Variants in MCU observed in about 807,000 individuals in gnomAD.
MCU encodes calcium uniporter protein, mitochondrial.
MCU carries 12 observed loss-of-function variants against 45.2 expected under a neutral mutation model. The ratio of observed to expected loss-of-function variants is 0.27; its 90% CI spans 0.17 to 0.43. The LOEUF (loss-of-function observed/expected upper bound fraction) is 0.43, where lower values mean the gene tolerates loss of function less well. Among genes scored for constraint, MCU ranks in the 20% least tolerant of loss-of-function variants. The probability of loss-of-function intolerance (pLI) is 1.00; values close to 1 mark genes in which losing one functional copy is unlikely to be tolerated. For synonymous variants in MCU, 160 were observed against 165.1 expected, an observed-to-expected ratio of 0.97 and a Z score of 0.24; for missense variants, 324 against 436.7, an observed-to-expected ratio of 0.74 and a Z score of 2.30.
chr10:72,754,711 G>T (rs1843549546), intron 1 of MCU, among the ~76,000 whole-genome samples: 1 of 152,178 alleles, frequency 6.6e-6, no homozygotes, highest in Non-Finnish European at 1.5e-5. Context: ...TCATCCACCT[G>T]TCTTAGCCTC....
intron 1 of MCU, among the ~76,000 whole-genome samples, chr10:72,810,461 C>CTTTT (rs751918414): frequency 4.8e-4 from 35 of 73,434 alleles, no homozygotes; most frequent in African/African-American, 1.4e-3. Flanking sequence ...ATTATGTTGC[C>CTTTT]TTTTTTTTTT....
At chr10:72,757,107 C>A (rs1296363406) in intron 1 of MCU, 1 of 151,844 alleles carries the variant, frequency 6.6e-6, no homozygotes, top group Non-Finnish European at 1.5e-5. Flanking sequence ...GGCACATTGT[C>A]AAGTGAGTGG....
chr10:72,819,382 C>T (rs898052261), intron 1 of MCU, among the ~76,000 whole-genome samples: 2 of 152,190 alleles, frequency 1.3e-5, no homozygotes, highest in African/African-American at 2.4e-5. Context: ...GTTGCTACTT[C>T]TGTTTCCCAC....
intron 1 of MCU, among the ~76,000 whole-genome samples, chr10:72,752,708 A>G (rs150548122): frequency 7.2e-5 from 11 of 152,290 alleles, no homozygotes; most frequent in Admixed American, 3.9e-4. Flanking sequence ...CTGGAGACCT[A>G]TTAAAATCCT....
At chr10:72,827,709 T>C (rs1306230881) in intron 1 of MCU, among the ~76,000 whole-genome samples, 2 of 152,228 alleles carry the variant, frequency 1.3e-5, no homozygotes, top group Non-Finnish European at 2.9e-5. Context: ...AGTGTTATCA[T>C]GTTTATATTG....
At chr10:72,853,364 A>G (rs1465737905) in intron 2 of MCU, among the ~76,000 whole-genome samples, 1 of 152,184 alleles carries the variant, frequency 6.6e-6, no homozygotes, top group African/African-American at 2.4e-5. Context: ...TGAAAACACC[A>G]TATAGATGGA....
intron 1 of MCU, among the ~76,000 whole-genome samples, chr10:72,693,243 T>A (rs983690155): frequency 6.6e-6 from 1 of 152,008 alleles, no homozygotes; most frequent in Non-Finnish European, 1.5e-5. Context: ...CTTTTTTCAA[T>A]TGCAAGAGAT....
chr10:72,769,080 C>T (rs976929230), intron 1 of MCU, among the ~76,000 whole-genome samples: 1 of 151,930 alleles, frequency 6.6e-6, no homozygotes, highest in Non-Finnish European at 1.5e-5. Context: ...TATCTACCTT[C>T]TGGGCTCAAG....
chr10:72,692,710 TTC>T (rs1842638892), intron 1 of MCU: 1 of 1,246,358 alleles, frequency 8.0e-7, no homozygotes, highest in Non-Finnish European at 1.0e-6. Flanking sequence ...GGTTGGGGAG[TTC>T]TGAGTTGCCG....
chr10:72,818,613 G>A (rs1844660954), intron 1 of MCU, among the ~76,000 whole-genome samples: 1 of 152,156 alleles, frequency 6.6e-6, no homozygotes, highest in Admixed American at 6.5e-5. Flanking sequence ...GCCGAGGTGG[G>A]TGGATCACCT....
chr10:72,847,109 C>A (rs1456651515), intron 2 of MCU, among the ~76,000 whole-genome samples: 2 of 152,216 alleles, frequency 1.3e-5, no homozygotes, highest in Admixed American at 1.3e-4. Context: ...GTAACAGGGA[C>A]TACAGGCACA....
chr10:72,729,795 C>T (rs1156262624), intron 1 of MCU, among the ~76,000 whole-genome samples: 2 of 152,064 alleles, frequency 1.3e-5, no homozygotes, highest in African/African-American at 4.8e-5. Flanking sequence ...CTCTCTCGTG[C>T]ATTGTAAGAT....
chr10:72,828,506 A>T (rs1230654101), intron 1 of MCU, among the ~76,000 whole-genome samples: 1 of 151,200 alleles, frequency 6.6e-6, no homozygotes, highest in Non-Finnish European at 1.5e-5. Flanking sequence ...CCCCCTCAGC[A>T]TTCCCCTTCC....
intron 1 of MCU, among the ~76,000 whole-genome samples, chr10:72,718,373 G>C (rs1055536691): frequency 6.6e-6 from 1 of 152,140 alleles, no homozygotes; most frequent in African/African-American, 2.4e-5. Context: ...GGTTACTTCT[G>C]TCATTAAGTA....
intron 6 of MCU, among the ~76,000 whole-genome samples, chr10:72,877,905 A>G (rs1417041918): frequency 6.6e-6 from 1 of 152,036 alleles, no homozygotes; most frequent in East Asian, 1.9e-4. Context: ...ATTGTAGAAT[A>G]AGGATTCACC....
At chr10:72,848,726 G>A (rs1463329439) in intron 2 of MCU, among the ~76,000 whole-genome samples, 1 of 100,878 alleles carries the variant, frequency 9.9e-6, no homozygotes, top group Admixed American at 9.0e-5. Flanking sequence ...ATATATGTTT[G>A]TGTATGTGTG....
At position 72,767,148 on chromosome 10, in the gene MCU, G is replaced by A. The variant is rs568883380; in HGVS notation, c.151-67211G>A. ...AGAATTATGATTTATTTGTCTTTTCGTTATTTTGTGAAAAGGATGATTTCA... is the reference window on the plus strand; with the variant it reads ...AGAATTATGATTTATTTGTCTTTTCATTATTTTGTGAAAAGGATGATTTCA... On this transcript the variant is annotated intron_variant, in intron 1 of 7. Coordinates refer to ENST00000373053, the MANE Select transcript of MCU (RefSeq NM_138357.3). 5.3e-5 allele frequency: 8 copies of A among 151,934 alleles called. No homozygotes were observed. In the East Asian group the frequency reaches 1.2e-3, roughly 22 times the overall value. 9.4% of individuals were successfully genotyped at this position (151,934 alleles called of 1,614,324 possible). A position where few individuals can be genotyped will look rare whatever the true frequency, so the allele number is the denominator to read the frequency against.
intron 1 of MCU, among the ~76,000 whole-genome samples, chr10:72,701,670 G>T (rs1842760202): frequency 6.6e-6 from 1 of 151,978 alleles, no homozygotes; most frequent in Non-Finnish European, 1.5e-5. Context: ...GGGACTACAG[G>T]TACACACCAC....
At chr10:72,742,484 A>AT (rs1361749869) in intron 1 of MCU, among the ~76,000 whole-genome samples, 1 of 152,010 alleles carries the variant, frequency 6.6e-6, no homozygotes, top group Non-Finnish European at 1.5e-5. Context: ...TCATTCAGCT[A>AT]TTTTTTTAGA....
Sources: gnomAD v4.1 joint callset for allele counts (sites outside exome capture counted in the v4.1 genomes callset) on GRCh38, gnomAD v4.1.1 for gene constraint, MANE v1.5 for transcripts, NCBI Gene and HGNC (gene_info 2026-07-23, HGNC 2026-07-21) for gene names.